Variants in CDH13 observed in about 807,000 individuals in gnomAD.
CDH13 encodes the protein cadherin-13.
Under a neutral mutation model 63.8 loss-of-function variants are expected in CDH13, and 24 were observed. The observed-to-expected ratio is 0.38, with a 90% confidence interval of 0.27 to 0.53. The LOEUF (loss-of-function observed/expected upper bound fraction) is 0.53. Among genes scored for constraint, CDH13 ranks in the 20% least tolerant of loss-of-function variants. CDH13 has a pLI of 0.85. For missense variants in CDH13, 1,049 were observed against 903.1 expected, an observed-to-expected ratio of 1.16 and a Z score of -2.07; for synonymous variants, 503 against 355.3, an observed-to-expected ratio of 1.42 and a Z score of -4.67.
intron 8 of CDH13, among the ~76,000 whole-genome samples, chr16:83,635,733 A>T (rs902066735): frequency 1.3e-5 from 2 of 152,114 alleles, no homozygotes; most frequent in South Asian, 2.1e-4. Flanking sequence ...TGGCTTGCAA[A>T]TATTTATCTC....
At chr16:82,914,026 G>A (rs1335371119) in intron 2 of CDH13, among the ~76,000 whole-genome samples, 1 of 151,764 alleles carries the variant, frequency 6.6e-6, no homozygotes, top group Non-Finnish European at 1.5e-5. Flanking sequence ...AGGTATTGCT[G>A]TGTGGTAAGA....
intron 6 of CDH13, among the ~76,000 whole-genome samples, chr16:83,440,551 A>C (rs1464863201): frequency 6.6e-6 from 1 of 152,138 alleles, no homozygotes; most frequent in Non-Finnish European, 1.5e-5. Context: ...AGGCCAAGGC[A>C]GGCAGATCTC....
intron 5 of CDH13, among the ~76,000 whole-genome samples, chr16:83,305,668 TG>T (rs779171655): frequency 9.2e-5 from 14 of 152,202 alleles, no homozygotes; most frequent in Non-Finnish European, 1.6e-4. Context: ...GATGGGAGTT[TG>T]TATCTTAGTG....
At chr16:82,884,009 T>C (rs780718011) in intron 2 of CDH13, among the ~76,000 whole-genome samples, 1 of 152,106 alleles carries the variant, frequency 6.6e-6, no homozygotes, top group Non-Finnish European at 1.5e-5. Context: ...ACCCCCATCA[T>C]AGGTGTTTTT....
intron 3 of CDH13, among the ~76,000 whole-genome samples, chr16:83,062,999 A>G (rs1003088993): frequency 6.2e-5 from 8 of 129,608 alleles, no homozygotes; most frequent in Admixed American, 3.5e-4. Context: ...GTATTGCTCT[A>G]TTACCCAGGC....
intron 8 of CDH13, among the ~76,000 whole-genome samples, chr16:83,634,524 C>T (rs1228645141): frequency 6.6e-6 from 1 of 151,980 alleles, no homozygotes; most frequent in Non-Finnish European, 1.5e-5. Context: ...CCTCAGCCTC[C>T]TGAATAGCTG....
intron 1 of CDH13, among the ~76,000 whole-genome samples, chr16:82,836,991 T>C (rs2038795237): frequency 6.6e-6 from 1 of 152,194 alleles, no homozygotes; most frequent in South Asian, 2.1e-4. Context: ...ACTATCAAGA[T>C]TAAGAGGTGG....
intron 2 of CDH13, among the ~76,000 whole-genome samples, chr16:82,869,204 G>T (rs572064100): frequency 6.6e-6 from 1 of 152,084 alleles, no homozygotes; most frequent in African/African-American, 2.4e-5. Flanking sequence ...GCACCACCAC[G>T]CCTGGCTAAT....
chr16:82,774,232 C>CA (rs540958523), intron 1 of CDH13, among the ~76,000 whole-genome samples: 74 of 151,698 alleles, frequency 4.9e-4, no homozygotes, highest in African/African-American at 1.6e-3. Flanking sequence ...GTGATTAAAA[C>CA]AAAAAAATAA....
chr16:83,107,161 T>G (rs1461676214), intron 3 of CDH13, among the ~76,000 whole-genome samples: 1 of 152,168 alleles, frequency 6.6e-6, no homozygotes, highest in Non-Finnish European at 1.5e-5. Flanking sequence ...ATTTTTTTCT[T>G]CTTAGGCTTT....
chr16:83,619,011 C>T (rs991742797), intron 8 of CDH13, among the ~76,000 whole-genome samples: 3 of 152,114 alleles, frequency 2.0e-5, no homozygotes, highest in East Asian at 1.9e-4. Flanking sequence ...TGCTGTTGAC[C>T]GGCTCAGATC....
intron 2 of CDH13, among the ~76,000 whole-genome samples, chr16:82,890,121 C>T (rs946557025): frequency 6.6e-6 from 1 of 152,226 alleles, no homozygotes; most frequent in African/African-American, 2.4e-5. Context: ...TCTAGAGACA[C>T]CAATCAGTTG....
chr16:83,385,183 G>A (rs2091648449), intron 6 of CDH13, among the ~76,000 whole-genome samples: 1 of 152,236 alleles, frequency 6.6e-6, no homozygotes, highest in African/African-American at 2.4e-5. Context: ...AAATTCTTTA[G>A]AGGCATCAGC....
intron 3 of CDH13, among the ~76,000 whole-genome samples, chr16:83,102,930 C>CTTTTTTTTTTTTCTTTTTCTTT (rs71148812): frequency 3.1e-5 from 3 of 96,932 alleles, no homozygotes; most frequent in African/African-American, 1.4e-4. Flanking sequence ...TTTTCTTTTT[C>CTTTTTTTTTTTTCTTTTTCTTT]TTTTTTTTTT....
At chr16:82,978,581 T>C (rs1338694512) in intron 2 of CDH13, among the ~76,000 whole-genome samples, 1 of 152,220 alleles carries the variant, frequency 6.6e-6, no homozygotes, top group Non-Finnish European at 1.5e-5. Flanking sequence ...GTGGCTTCGG[T>C]GGGTGCAAGC....
intron 7 of CDH13, among the ~76,000 whole-genome samples, chr16:83,557,940 A>G (rs1029919354): frequency 2.0e-5 from 3 of 152,310 alleles, no homozygotes; most frequent in South Asian, 2.1e-4. Flanking sequence ...TGAAGGGTCT[A>G]TAGATCCGTC....
chr16:82,911,742 C>A (rs1030188485), intron 2 of CDH13, among the ~76,000 whole-genome samples: 3 of 152,092 alleles, frequency 2.0e-5, no homozygotes, highest in Non-Finnish European at 4.4e-5. Flanking sequence ...TACTCAATGG[C>A]CATCCATTGT....
chr16:83,370,234 A>G (rs2091339348), intron 6 of CDH13, among the ~76,000 whole-genome samples: 1 of 152,094 alleles, frequency 6.6e-6, no homozygotes, highest in African/African-American at 2.4e-5. Context: ...AAAAAATAGA[A>G]AAAATTAGCC....
At chr16:83,139,836 C>A (rs940974679) in intron 4 of CDH13, among the ~76,000 whole-genome samples, 25 of 152,214 alleles carry the variant, frequency 1.6e-4, no homozygotes, top group African/African-American at 5.5e-4. Context: ...AACCCCATCT[C>A]TACTAAAAAT....
Sources: gnomAD v4.1 joint callset for allele counts (sites outside exome capture counted in the v4.1 genomes callset) on GRCh38, gnomAD v4.1.1 for gene constraint, MANE v1.5 for transcripts, NCBI Gene and HGNC (gene_info 2026-07-23, HGNC 2026-07-21) for gene names.